The following HAT1 variants were observed in gnomAD, a reference collection of about 807,000 sequenced individuals.
The protein encoded by HAT1 is histone acetyltransferase type B catalytic subunit.
In HAT1, 20 loss-of-function variants were observed where a neutral mutation model predicts 56.6. That is an observed-to-expected ratio of 0.35 (90% CI 0.25 to 0.51). HAT1 has a LOEUF of 0.51. Ranked by LOEUF, HAT1 falls within the 20% of genes least tolerant of loss-of-function variation. The probability of loss-of-function intolerance (pLI) is 0.95; values close to 1 mark genes in which losing one functional copy is unlikely to be tolerated. For missense variants in HAT1, 408 were observed against 504.3 expected (o/e 0.81, Z 1.83); for synonymous variants, 146 against 165.5 (o/e 0.88, Z 0.91).
chr2:171,935,318 C>T lies in HAT1; in HGVS notation c.112+9677C>T, dbSNP rs189507590. Among the ~76,000 whole-genome samples, 55 of 149,896 alleles carry T rather than the reference C, an allele frequency of 3.7e-4. 3 individuals are homozygous for T. The highest frequency in any genetic ancestry group is 1.3e-3 in the African/African-American group (55 of 41,002). ...TCACCCGAGGTCAGGAGTTCGAGAC[C>T]AGCCTGGCCAACATGGTGAAACCCC... On this transcript the variant is annotated intron_variant, in intron 2 of 10. Transcript: ENST00000264108.
chr2:171,948,293 C>G (rs1687220893), intron 3 of HAT1, among the ~76,000 whole-genome samples: 1 of 152,164 alleles, frequency 6.6e-6, no homozygotes, highest in Non-Finnish European at 1.5e-5. Context: ...GGTGCTATCT[C>G]AACTCACTGC....
intron 8 of HAT1, among the ~76,000 whole-genome samples, chr2:171,975,102 CTTTT>C (rs56657515): frequency 7.6e-6 from 1 of 130,924 alleles, no homozygotes; most frequent in Admixed American, 7.7e-5. Flanking sequence ...TATTTTCTTT[CTTTT>C]TTTTTTTTTT....
intron 4 of HAT1, among the ~76,000 whole-genome samples, chr2:171,953,692 A>T (rs1181049381): frequency 6.8e-6 from 1 of 146,868 alleles, no homozygotes; most frequent in Non-Finnish European, 1.5e-5. Context: ...GTTACATGGT[A>T]GTTTTAAAAT....
At chr2:171,949,756 G>A (rs1210158953) in intron 3 of HAT1, among the ~76,000 whole-genome samples, 2 of 151,892 alleles carry the variant, frequency 1.3e-5, no homozygotes, top group Admixed American at 6.6e-5. Flanking sequence ...GGGCTCAAGT[G>A]ATCCTCCAAG....
At chr2:171,951,659 T>G (rs1050703984) in intron 3 of HAT1, among the ~76,000 whole-genome samples, 29 of 141,006 alleles carry the variant, frequency 2.1e-4, no homozygotes, top group African/African-American at 8.2e-4. Context: ...CTTGAACTCC[T>G]GACTTCCAGT....
chr2:171,951,782 A>C (rs762420572), intron 3 of HAT1, among the ~76,000 whole-genome samples: 1 of 151,918 alleles, frequency 6.6e-6, no homozygotes, highest in East Asian at 1.9e-4. Context: ...GCGTAATATC[A>C]CTGAAAGTGG....
chr2:171,973,631 G>A (rs889861514), intron 8 of HAT1, among the ~76,000 whole-genome samples: 4 of 152,158 alleles, frequency 2.6e-5, no homozygotes, highest in African/African-American at 7.2e-5. Flanking sequence ...TCTACCTCCT[G>A]TCGGATCAGT....
At chr2:171,932,815 G>A (rs1055166939) in intron 2 of HAT1, among the ~76,000 whole-genome samples, 1 of 152,176 alleles carries the variant, frequency 6.6e-6, no homozygotes, top group Non-Finnish European at 1.5e-5. Context: ...GTTACAGTGA[G>A]CTGCGATCAT....
chr2:171,940,584 C>T (rs6433318), intron 2 of HAT1, among the ~76,000 whole-genome samples: 28,020 of 152,124 alleles, frequency 0.18, 3,768 homozygotes, highest in African/African-American at 0.37. Context: ...TCAGTGCAGA[C>T]GCATTTGATG....
intron 1 of HAT1, chr2:171,922,730 G>A: frequency 2.5e-6 from 1 of 400,570 alleles, no homozygotes; most frequent in East Asian, 3.6e-5. Context: ...CCTTCTGCCA[G>A]CAATCCGGCC....
chr2:171,946,922 G>C, intron 3 of HAT1, 139 bp downstream of exon 3: 2 of 543,894 alleles, frequency 3.7e-6, no homozygotes, highest in East Asian at 6.5e-5. Context: ...TTATAATGGT[G>C]TTTTTTTACA....
intron 5 of HAT1, 107 bp from the exon 6 acceptor site, chr2:171,965,680 T>C: frequency 8.7e-7 from 1 of 1,150,328 alleles, no homozygotes; most frequent in Non-Finnish European, 1.3e-6. Flanking sequence ...GTTCACATCT[T>C]AATCTGAGAC....
At chr2:171,940,091 A>G (rs1354812934) in intron 2 of HAT1, among the ~76,000 whole-genome samples, 1 of 152,198 alleles carries the variant, frequency 6.6e-6, no homozygotes, top group Non-Finnish European at 1.5e-5. Context: ...TTTGACCTGA[A>G]TAATGAAACC....
intron 10 of HAT1, among the ~76,000 whole-genome samples, chr2:171,981,623 A>G: frequency 6.6e-6 from 1 of 152,290 alleles, no homozygotes; most frequent in Non-Finnish European, 1.5e-5. Flanking sequence ...TAAAATTATT[A>G]TTTGCCTATG....
At chr2:171,968,508 G>T (rs1479506130) in intron 8 of HAT1, among the ~76,000 whole-genome samples, 1 of 152,094 alleles carries the variant, frequency 6.6e-6, no homozygotes, top group Admixed American at 6.5e-5. Context: ...AGCAGATAAA[G>T]AATTTTATTT....
At chr2:171,980,417 G>A (rs1249395190) in intron 10 of HAT1, 2 of 151,992 alleles carry the variant, frequency 1.3e-5, no homozygotes, top group Non-Finnish European at 2.9e-5. Context: ...AACCATGTTA[G>A]TACTATTATA....
chr2:171,967,507 T>A (rs1687710490), intron 8 of HAT1, among the ~76,000 whole-genome samples: 1 of 152,096 alleles, frequency 6.6e-6, no homozygotes, highest in South Asian at 2.1e-4. Flanking sequence ...ATGAATAGAA[T>A]GCTTAGGAGA....
intron 3 of HAT1, among the ~76,000 whole-genome samples, chr2:171,952,211 C>G (rs78542645): frequency 0.045 from 6,778 of 152,298 alleles, 211 homozygotes; most frequent in Non-Finnish European, 0.069. Flanking sequence ...ACCCTGACCC[C>G]TAGTCTTAGG....
chr2:171,932,880 T>C (rs1160706357), intron 2 of HAT1, among the ~76,000 whole-genome samples: 1 of 151,888 alleles, frequency 6.6e-6, no homozygotes, highest in Non-Finnish European at 1.5e-5. Context: ...AAAAATAAAA[T>C]AAGTGACTCT....
Sources: allele counts gnomAD v4.1 joint callset (sites outside exome capture counted in the v4.1 genomes callset), GRCh38; gene constraint gnomAD v4.1.1; transcripts MANE v1.5; gene names NCBI Gene and HGNC (gene_info 2026-07-23, HGNC 2026-07-21).